Variants in PTPRT observed in about 807,000 individuals in gnomAD.
PTPRT encodes the protein protein tyrosine phosphatase receptor type T.
A neutral mutation model predicts 176.8 loss-of-function variants in PTPRT; 56 were observed. That is an observed-to-expected ratio of 0.32 (90% CI 0.26 to 0.40). PTPRT has a LOEUF of 0.40. PTPRT is among the 10% of genes least tolerant of loss of function. The pLI is 1.00. For synonymous variants in PTPRT, 783 were observed against 739.0 expected (o/e 1.06, Z -0.96); for missense variants, 1,540 against 1,908.2 (o/e 0.81, Z 3.60).
At chr20:43,062,257 T>C (rs1388578421) in intron 1 of PTPRT, among the ~76,000 whole-genome samples, 1 of 152,242 alleles carries the variant, frequency 6.6e-6, no homozygotes, top group African/African-American at 2.4e-5. Flanking sequence ...GATATGTTTA[T>C]GCAAAAACAA....
chr20:42,198,902 G>A (rs1369200963), intron 16 of PTPRT, among the ~76,000 whole-genome samples: 1 of 152,156 alleles, frequency 6.6e-6, no homozygotes, highest in Non-Finnish European at 1.5e-5. Context: ...ACTCAATTCA[G>A]TGTGGCATAT....
chr20:42,569,263 G>A (rs2073111046), intron 7 of PTPRT, among the ~76,000 whole-genome samples: 1 of 151,248 alleles, frequency 6.6e-6, no homozygotes, highest in Non-Finnish European at 1.5e-5. Context: ...GTTACTGTGA[G>A]TAAATACTTC....
At chr20:42,648,821 T>TTTTTTTTTTTGTTTTTTTTTTTG (rs199784986) in intron 7 of PTPRT, among the ~76,000 whole-genome samples, 1 of 25,358 alleles carries the variant, frequency 3.9e-5, no homozygotes, top group African/African-American at 1.5e-4. Flanking sequence ...GGTGTCGTTG[T>TTTTTTTTTTTGTTTTTTTTTTTG]TTTTTTTTTT....
chr20:42,292,952 T>G (rs921081669), intron 12 of PTPRT, among the ~76,000 whole-genome samples: 5 of 152,206 alleles, frequency 3.3e-5, no homozygotes, highest in African/African-American at 1.2e-4. Flanking sequence ...TGCTGGATTC[T>G]GCAGACCCTC....
At chr20:42,064,767 C>A in the PTPRT span, among the ~76,000 whole-genome samples, 1 of 152,188 alleles carries the variant, frequency 6.6e-6, no homozygotes, top group Non-Finnish European at 1.5e-5. Context: ...TTATGAAAAT[C>A]TTTAATACTG....
chr20:42,157,272 C>T (rs551899236), intron 17 of PTPRT, among the ~76,000 whole-genome samples: 1 of 152,218 alleles, frequency 6.6e-6, no homozygotes, highest in Non-Finnish European at 1.5e-5. Context: ...TGGAACAAAT[C>T]TCCCTTCCTT....
chr20:42,479,772 C>T (rs1390490839), intron 7 of PTPRT, among the ~76,000 whole-genome samples: 2 of 152,204 alleles, frequency 1.3e-5, no homozygotes, highest in African/African-American at 4.8e-5. Flanking sequence ...TTTTCAATAA[C>T]AGGGATGTTC....
chr20:42,876,907 T>C (rs1282357662), intron 2 of PTPRT, among the ~76,000 whole-genome samples: 2 of 151,172 alleles, frequency 1.3e-5, no homozygotes, highest in Non-Finnish European at 2.9e-5. Context: ...GTGAGGGGAG[T>C]CAGGGAGGGC....
intron 6 of PTPRT, among the ~76,000 whole-genome samples, chr20:42,730,311 T>C (rs1262068015): frequency 6.6e-6 from 1 of 151,976 alleles, no homozygotes; most frequent in Non-Finnish European, 1.5e-5. Context: ...AATCATGGCA[T>C]GAGTAGGAAG....
At position 42,771,429 on chromosome 20, in the gene PTPRT, G is replaced by A. The variant is rs1398646991; in HGVS notation, c.684+6C>T. On this transcript the variant is annotated splice_donor_region_variant and intron_variant, in intron 5 of 30. Transcript: ENST00000373187. ...GAGTCTGAGCAGAGGCTTCTCTCAT[G>A]CTTACCTGGAGCCAAAGCTTGTCAT... 6.2e-7 allele frequency: 1 copy of A among 1,610,146 alleles called. No individual in the cohort carries two copies. Among genetic ancestry groups the A allele is most frequent in the Non-Finnish European group, 8.5e-7 (1 of 1,176,442 alleles).
At chr20:43,061,894 G>A (rs1189526432) in intron 1 of PTPRT, among the ~76,000 whole-genome samples, 1 of 152,158 alleles carries the variant, frequency 6.6e-6, no homozygotes, top group Non-Finnish European at 1.5e-5. Context: ...TACAAAGCAG[G>A]AGTTCAATTT....
At chr20:42,990,992 T>C (rs1214719008) in intron 1 of PTPRT, among the ~76,000 whole-genome samples, 1 of 152,104 alleles carries the variant, frequency 6.6e-6, no homozygotes, top group East Asian at 1.9e-4. Flanking sequence ...GGTATTATAT[T>C]AGAAAATTTA....
chr20:42,206,636 C>G (rs1568671036), intron 15 of PTPRT, among the ~76,000 whole-genome samples: 1 of 152,202 alleles, frequency 6.6e-6, no homozygotes, highest in South Asian at 2.1e-4. Context: ...GGTCCTACGC[C>G]CACGGAGTCT....
chr20:42,969,784 C>T (rs1252852335), intron 1 of PTPRT: 1 of 152,176 alleles, frequency 6.6e-6, no homozygotes, highest in Admixed American at 6.5e-5. Context: ...AAAATATCAA[C>T]ATGCTTGATT....
intron 14 of PTPRT, among the ~76,000 whole-genome samples, chr20:42,241,409 G>A (rs1368486920): frequency 6.6e-6 from 1 of 152,142 alleles, no homozygotes; most frequent in Non-Finnish European, 1.5e-5. Context: ...AGTTCCCAAA[G>A]AGTTTAAGCA....
At chr20:43,159,555 C>T (rs185454996) in intron 1 of PTPRT, among the ~76,000 whole-genome samples, 79 of 152,328 alleles carry the variant, frequency 5.2e-4, no homozygotes, top group African/African-American at 1.8e-3. Context: ...ATTTCAATTT[C>T]CTTTCTCCCT....
chr20:42,964,475 T>C (rs886680376), intron 1 of PTPRT, among the ~76,000 whole-genome samples: 2 of 152,156 alleles, frequency 1.3e-5, no homozygotes. Context: ...ACCTTTTCTG[T>C]AGCAGGTAGC....
intron 1 of PTPRT, among the ~76,000 whole-genome samples, chr20:42,987,587 T>G (rs1222349181): frequency 6.6e-6 from 1 of 152,008 alleles, no homozygotes; most frequent in African/African-American, 2.4e-5. Context: ...CTTCAGTTCC[T>G]CAAACATACC....
chr20:42,842,400 C>T lies in PTPRT; in HGVS notation c.214+43407G>A, dbSNP rs6103067. Among the ~76,000 whole-genome samples the T allele has an allele frequency of 3.7e-3, 568 of 152,196 alleles. 6 individuals carry two copies. The highest frequency in any genetic ancestry group is 0.013 in the African/African-American group (527 of 41,510). On this transcript the variant is annotated intron_variant, in intron 2 of 30. Transcript: ENST00000373187. ...ACTTCAGACTGCTATAACAAAATGC[C>T]TTAGACTGTTTATTTATTTTTATTT...
Sources: allele counts gnomAD v4.1 joint callset (sites outside exome capture counted in the v4.1 genomes callset), GRCh38; gene constraint gnomAD v4.1.1; transcripts MANE v1.5; gene names NCBI Gene and HGNC (gene_info 2026-07-23, HGNC 2026-07-21).